The following RBMS2 variants were observed in gnomAD, a reference collection of about 807,000 sequenced individuals.
The protein encoded by RBMS2 is RNA binding motif single stranded interacting protein 2.
Under a neutral mutation model 58.4 loss-of-function variants are expected in RBMS2, and 38 were observed. That is an observed-to-expected ratio of 0.65 (90% CI 0.50 to 0.85). The LOEUF is 0.85. Ranked by LOEUF, RBMS2 falls within the 40% of genes least tolerant of loss-of-function variation. The pLI is 0.00. For synonymous variants in RBMS2, 151 were observed against 180.7 expected, an observed-to-expected ratio of 0.84 and a Z score of 1.32; for missense variants, 367 against 503.7, an observed-to-expected ratio of 0.73 and a Z score of 2.60.
At chr12:56,587,954 A>AT in intron 11 of RBMS2, among the ~76,000 whole-genome samples, 1 of 152,286 alleles carries the variant, frequency 6.6e-6, no homozygotes, top group Non-Finnish European at 1.5e-5. Flanking sequence ...ATCCTCATCA[A>AT]AATAGTACCT....
intron 2 of RBMS2, among the ~76,000 whole-genome samples, chr12:56,567,361 G>A (rs1881524740): frequency 6.7e-6 from 1 of 149,812 alleles, no homozygotes; most frequent in South Asian, 2.1e-4. Flanking sequence ...CTCCAGCCTG[G>A]GCAACAACAG....
At chr12:56,549,887 CGTG>C (rs1189632620) in intron 1 of RBMS2, among the ~76,000 whole-genome samples, 3 of 152,018 alleles carry the variant, frequency 2.0e-5, no homozygotes, top group Non-Finnish European at 4.4e-5. Flanking sequence ...ATTAACCGGG[CGTG>C]GTGGTGGGCA....
chr12:56,522,144 A>G, intron 1 of RBMS2, 55 bp downstream of exon 1: 1 of 1,401,784 alleles, frequency 7.1e-7, no homozygotes, highest in Non-Finnish European at 1.0e-6. Flanking sequence ...GGGATCTTGC[A>G]ATGCCCTTGG....
intron 4 of RBMS2, among the ~76,000 whole-genome samples, chr12:56,570,703 A>G (rs958240352): frequency 5.3e-5 from 8 of 152,188 alleles, no homozygotes; most frequent in South Asian, 2.1e-4. Context: ...TCAGCCTCCC[A>G]AGTAGCTGGG....
In RBMS2 at chr12:56,582,133, C is replaced by G. The variant is rs780297509; in HGVS notation, c.854C>G (p.Ser285Cys). 1.2e-5 allele frequency: 20 copies of G among 1,609,116 alleles called. No homozygotes were observed. In the South Asian group the frequency reaches 2.2e-4, roughly 18 times the overall value. The change falls in exon 9 of 14, where the codon TCT becomes TGT. Residue 285 changes from serine to cysteine, a missense_variant. This residue lies in a region of RBMS2 where 220 missense variants were observed against 261.1 expected (regional missense o/e 0.84). Coordinates refer to ENST00000262031, the MANE Select transcript of RBMS2 (RefSeq NM_002898.4). ...TCTGCACTCTCCCCATACCTTTCCTCTCCTGTGTCTTCGTATCAGGTATGT... is the reference window on the plus strand; with the variant it reads ...TCTGCACTCTCCCCATACCTTTCCTGTCCTGTGTCTTCGTATCAGGTATGT... ...AQSALSPYLS[S>C]PVSSYQRVTQ...
intron 1 of RBMS2, among the ~76,000 whole-genome samples, chr12:56,537,411 A>G (rs779411525): frequency 7.2e-5 from 11 of 152,240 alleles, no homozygotes; most frequent in Admixed American, 5.2e-4. Context: ...GAATTTGACT[A>G]TCCTATGTAC....
At chr12:56,562,742 C>T (rs1183774950) in intron 2 of RBMS2, among the ~76,000 whole-genome samples, 159 bp downstream of exon 2, 1 of 152,170 alleles carries the variant, frequency 6.6e-6, no homozygotes, top group Non-Finnish European at 1.5e-5. Context: ...CCACTCCTGG[C>T]CTTGCCAGCT....
chr12:56,521,821 GC>G lies in RBMS2; in HGVS notation c.-200del. 5.3e-6 allele frequency: 3 copies of G among 571,220 alleles called. No individual in the cohort carries two copies. The highest frequency in any genetic ancestry group is 9.2e-6 in the Non-Finnish European group (3 of 326,722). The allele number at this position is 571,220 out of a possible 1,614,324, so 35.4% of individuals were successfully genotyped here. ...CTTCTCTCAGTGACGTAAAGGAGCAGCCCGAGCTCATTCTCTGCCCGCAGCC... is the reference window on the plus strand; with the variant it reads ...CTTCTCTCAGTGACGTAAAGGAGCAGCCGAGCTCATTCTCTGCCCGCAGCC... On this transcript the variant is annotated 5_prime_UTR_variant, in exon 1 of 14. Transcript: ENST00000262031.
chr12:56,547,652 CTTT>C (rs71081378), intron 1 of RBMS2, among the ~76,000 whole-genome samples: 2 of 137,984 alleles, frequency 1.4e-5, no homozygotes, highest in Non-Finnish European at 1.6e-5. Context: ...CTTTTCTTTT[CTTT>C]TTTTTTTTTT....
rs766152506 is a variant in RBMS2, at chr12:56,589,234, G to T, written c.*101G>T. On this transcript the variant is annotated 3_prime_UTR_variant, in exon 14 of 14. Transcript: ENST00000262031. ...GGTTAACCAGGAATGGAGACCATCC[G>T]TCGGCCCTGCTAAGGACTAACACTT... 5 of 1,486,618 alleles carry T rather than the reference G, an allele frequency of 3.4e-6. No individual in the cohort carries two copies. Among genetic ancestry groups the T allele is most frequent in the Non-Finnish European group, 3.6e-6 (4 of 1,113,612 alleles). 92.1% of individuals were successfully genotyped at this position (1,486,618 alleles called of 1,614,324 possible). A position where few individuals can be genotyped will look rare whatever the true frequency, so the allele number is the denominator to read the frequency against.
chr12:56,522,063 T>C lies in RBMS2; in HGVS notation c.40T>C (p.Phe14Leu). 1 of 1,600,424 alleles carries C rather than the reference T, an allele frequency of 6.2e-7. No homozygotes were observed. Among genetic ancestry groups the C allele is most frequent in the Non-Finnish European group, 8.6e-7 (1 of 1,169,114 alleles). ...GACTTCCAGGCCCGGGATTTCGACT[T>C]TTGGCTACAATAGAAACAACAAGAA... ...SVTSRPGIST[F>L]GYNRNNKKPY... The change falls in exon 1 of 14, where the codon TTT becomes CTT. Residue 14 changes from phenylalanine (F) to leucine (L), a missense_variant. Transcript: ENST00000262031.
intron 9 of RBMS2, among the ~76,000 whole-genome samples, chr12:56,583,575 A>T (rs1358245320): frequency 6.6e-6 from 1 of 151,586 alleles, no homozygotes; most frequent in Non-Finnish European, 1.5e-5. Flanking sequence ...AATTGCTTGA[A>T]CCCAGCAGGC....
At chr12:56,580,210 C>T (rs1172956936) in intron 5 of RBMS2, 13 of 392,114 alleles carry the variant, frequency 3.3e-5, no homozygotes, top group African/African-American at 9.0e-5. Context: ...GGATTACAGG[C>T]GTGAACCACT....
intron 1 of RBMS2, among the ~76,000 whole-genome samples, chr12:56,552,404 G>A (rs1291818056): frequency 1.3e-5 from 2 of 152,194 alleles, no homozygotes; most frequent in African/African-American, 4.8e-5. Flanking sequence ...TTTAAGGTTA[G>A]TTGGATGACT....
At chr12:56,523,863 C>T (rs1872184167) in intron 1 of RBMS2, among the ~76,000 whole-genome samples, 1 of 152,116 alleles carries the variant, frequency 6.6e-6, no homozygotes, top group African/African-American at 2.4e-5. Context: ...ATAGATAATA[C>T]ATTATATATT....
chr12:56,550,630 T>C (rs1878079414), intron 1 of RBMS2, among the ~76,000 whole-genome samples: 1 of 151,638 alleles, frequency 6.6e-6, no homozygotes, highest in Non-Finnish European at 1.5e-5. Flanking sequence ...TCACATGAGA[T>C]TGGGAGTTTG....
At chr12:56,578,221 C>T (rs533116501) in intron 5 of RBMS2, among the ~76,000 whole-genome samples, 240 of 152,140 alleles carry the variant, frequency 1.6e-3, no homozygotes, top group Non-Finnish European at 1.3e-3. Context: ...CTCCGCCTCC[C>T]GGGTTCAGGC....
intron 1 of RBMS2, among the ~76,000 whole-genome samples, chr12:56,554,742 TTAAA>T (rs1565749377): frequency 6.6e-6 from 1 of 152,096 alleles, no homozygotes; most frequent in Non-Finnish European, 1.5e-5. Flanking sequence ...ATAAAATGTT[TTAAA>T]TAAATAAATA....
rs765571043 is a variant in RBMS2, at chr12:56,571,826, T to C, written c.513T>C (p.Ser171=). ...CCACCCGTATCCTTCGAGATACCAGTGGGACCAGCAGAGGTGTTGGCTTTG... is the reference window on the plus strand; with the variant it reads ...CCACCCGTATCCTTCGAGATACCAGCGGGACCAGCAGAGGTGTTGGCTTTG... ...VISTRILRDT[S]GTSRGVGFAR... is the part of the protein sequence containing the mutation. The change falls in exon 5 of 14, where the codon AGT becomes AGC. Residue 171 remains serine (S), a synonymous_variant. Transcript: ENST00000262031. 6.3e-7 allele frequency: 1 copy of C among 1,587,436 alleles called. No homozygotes were observed. Among genetic ancestry groups the C allele is most frequent in the East Asian group, 2.3e-5 (1 of 43,864 alleles).
Sources: allele counts gnomAD v4.1 joint callset (sites outside exome capture counted in the v4.1 genomes callset), GRCh38; gene constraint gnomAD v4.1.1; regional missense constraint gnomAD v4.1.1; transcripts MANE v1.5; gene names NCBI Gene and HGNC (gene_info 2026-07-23, HGNC 2026-07-21).